PIBF1: variants seen among roughly 807,000 people sequenced by gnomAD.
PIBF1 encodes the protein progesterone immunomodulatory binding factor 1.
Under a neutral mutation model 112.5 loss-of-function variants are expected in PIBF1, and 90 were observed. The ratio of observed to expected loss-of-function variants is 0.80; its 90% confidence interval spans 0.67 to 0.95. PIBF1 has a LOEUF of 0.95. Ranked by LOEUF, PIBF1 falls within the 40% of genes least tolerant of loss-of-function variation. The pLI is 0.00. For synonymous variants in PIBF1, 301 were observed against 288.6 expected (o/e 1.04, Z -0.44); for missense variants, 915 against 852.3 (o/e 1.07, Z -0.92).
At chr13:73,010,632 C>A (rs1397616776) in intron 17 of PIBF1, among the ~76,000 whole-genome samples, 2 of 151,616 alleles carry the variant, frequency 1.3e-5, no homozygotes, top group Admixed American at 1.3e-4. Context: ...AGAACAATGG[C>A]ATACATGTTC....
At chr13:72,902,286 A>G (rs1327304731) in intron 11 of PIBF1, among the ~76,000 whole-genome samples, 1 of 148,600 alleles carries the variant, frequency 6.7e-6, no homozygotes, top group Non-Finnish European at 1.5e-5. Context: ...TGCAGTGTAT[A>G]CTGCCCCGGT....
chr13:72,938,310 C>G (rs1159227832), intron 14 of PIBF1, among the ~76,000 whole-genome samples: 4 of 152,024 alleles, frequency 2.6e-5, no homozygotes, highest in African/African-American at 9.7e-5. Context: ...AAGAGCATTT[C>G]CATCACCTGG....
At chr13:72,792,793 G>A (rs962659771) in intron 3 of PIBF1, among the ~76,000 whole-genome samples, 1 of 152,130 alleles carries the variant, frequency 6.6e-6, no homozygotes, top group African/African-American at 2.4e-5. Flanking sequence ...GATAAAGGAA[G>A]CTCTCTAAAC....
At chr13:72,851,150 C>A (rs2038129815) in intron 9 of PIBF1, among the ~76,000 whole-genome samples, 2 of 152,162 alleles carry the variant, frequency 1.3e-5, no homozygotes. Context: ...TCCACTGAGC[C>A]AGCAGGAGCC....
chr13:72,965,350 A>C lies in PIBF1; in HGVS notation c.1910A>C (p.Asp637Ala), dbSNP rs987735817. Reference sequence around the variant, plus strand: ...CTCATTGAATCAGTGCGTCAGAGAGATTCTAAGATTGATTCACTGACGGAA... The same window carrying C: ...CTCATTGAATCAGTGCGTCAGAGAGCTTCTAAGATTGATTCACTGACGGAA... ...RYLIESVRQRDSKIDSLTESI... is the reference protein window; with the variant it reads ...RYLIESVRQRASKIDSLTESI... Residue 637 changes from aspartate (D) to alanine (A), a missense_variant, in exon 15 of 18, where the codon GAT (aspartate) becomes GCT (alanine). Transcript: ENST00000326291. 8.7e-6 allele frequency: 14 copies of C among 1,610,290 alleles called. No homozygotes were observed. Among genetic ancestry groups the C allele is most frequent in the Non-Finnish European group, 1.2e-5 (14 of 1,177,234 alleles).
chr13:72,898,852 A>C (rs2040379349), intron 11 of PIBF1, among the ~76,000 whole-genome samples: 1 of 116,686 alleles, frequency 8.6e-6, no homozygotes, highest in African/African-American at 2.7e-5. Context: ...CCATCTCAGA[A>C]AAAAAAAAAA....
intron 10 of PIBF1, among the ~76,000 whole-genome samples, chr13:72,869,807 C>T (rs1566382990): frequency 1.3e-5 from 2 of 150,968 alleles, no homozygotes; most frequent in African/African-American, 2.4e-5. Flanking sequence ...CCCCCCACCT[C>T]CACACACACA....
chr13:72,927,945 G>GTA lies in PIBF1; in HGVS notation c.1731-3207_1731-3206dup, dbSNP rs774258929. On this transcript the variant is annotated intron_variant, in intron 13 of 17. Transcript: ENST00000326291. ...TTAATACCATTTCTAATATATGTGT[G>GTA]TATATATATATATACACATATATAT... Among the ~76,000 whole-genome samples, 828 of 87,850 alleles carry GTA rather than the reference G, an allele frequency of 9.4e-3. 17 individuals carry two copies. The highest frequency in any genetic ancestry group is 0.036 in the African/African-American group (630 of 17,382). The allele number at this position is 87,850 out of a possible 152,430, so 57.6% of individuals were successfully genotyped here.
intron 13 of PIBF1, among the ~76,000 whole-genome samples, chr13:72,926,743 C>G (rs1594210245): frequency 6.6e-6 from 1 of 152,182 alleles, no homozygotes; most frequent in Non-Finnish European, 1.5e-5. Flanking sequence ...AGGCATTTCC[C>G]TCTACCTAAA....
chr13:72,851,228 G>A (rs1192358112), intron 9 of PIBF1, among the ~76,000 whole-genome samples: 1 of 152,192 alleles, frequency 6.6e-6, no homozygotes, highest in Non-Finnish European at 1.5e-5. Flanking sequence ...CGCAGCTGCA[G>A]TGGCCCAGTC....
At chr13:72,892,896 G>C (rs1266170574) in intron 10 of PIBF1, among the ~76,000 whole-genome samples, 4 of 151,798 alleles carry the variant, frequency 2.6e-5, no homozygotes, top group Non-Finnish European at 4.4e-5. Flanking sequence ...CCCTATTGAA[G>C]CACTTACCAT....
intron 16 of PIBF1, among the ~76,000 whole-genome samples, chr13:72,983,628 GATTCT>G (rs1449348991): frequency 6.6e-6 from 1 of 152,284 alleles, no homozygotes; most frequent in East Asian, 1.9e-4. Context: ...TGTGTTCCCA[GATTCT>G]AACTCATATG....
At chr13:72,972,871 T>G (rs1398416221) in intron 15 of PIBF1, among the ~76,000 whole-genome samples, 1 of 152,202 alleles carries the variant, frequency 6.6e-6, no homozygotes, top group Non-Finnish European at 1.5e-5. Context: ...TTAACTCAAT[T>G]ATATACCTGA....
intron 9 of PIBF1, among the ~76,000 whole-genome samples, chr13:72,841,422 T>C (rs1197979160): frequency 6.6e-6 from 1 of 152,212 alleles, no homozygotes; most frequent in African/African-American, 2.4e-5. Flanking sequence ...TACCACTTAC[T>C]AGCTCAGCAG....
intron 13 of PIBF1, among the ~76,000 whole-genome samples, chr13:72,920,267 G>C (rs1176738143): frequency 6.6e-6 from 1 of 152,154 alleles, no homozygotes; most frequent in East Asian, 1.9e-4. Flanking sequence ...AATATCTCCT[G>C]CCAGCTGGTG....
chr13:72,905,216 C>T (rs1256811141), intron 11 of PIBF1, among the ~76,000 whole-genome samples: 1 of 151,954 alleles, frequency 6.6e-6, no homozygotes, highest in Non-Finnish European at 1.5e-5. Flanking sequence ...TACATGCACG[C>T]ACCACAACAC....
chr13:72,969,046 T>A (rs1038220049), intron 15 of PIBF1, among the ~76,000 whole-genome samples: 1 of 151,436 alleles, frequency 6.6e-6, no homozygotes, highest in East Asian at 1.9e-4. Flanking sequence ...AAAATAAAAA[T>A]AAAAATAATG....
intron 14 of PIBF1, among the ~76,000 whole-genome samples, chr13:72,954,365 A>G (rs913853735): frequency 6.6e-6 from 1 of 152,146 alleles, no homozygotes; most frequent in African/African-American, 2.4e-5. Context: ...GCACTATAGC[A>G]CACTTCATGC....
chr13:72,818,093 C>T (rs927115732), intron 5 of PIBF1, among the ~76,000 whole-genome samples: 7 of 151,894 alleles, frequency 4.6e-5, no homozygotes, highest in African/African-American at 1.5e-4. Flanking sequence ...ATGTATATAA[C>T]ATTAATAATA....
Sources: gnomAD v4.1 joint callset for allele counts (sites outside exome capture counted in the v4.1 genomes callset) on GRCh38, gnomAD v4.1.1 for gene constraint, MANE v1.5 for transcripts, NCBI Gene and HGNC (gene_info 2026-07-23, HGNC 2026-07-21) for gene names.